Variants in CSMD3 observed in about 807,000 individuals in gnomAD.
CSMD3 encodes the protein CUB and Sushi multiple domains 3.
In CSMD3, 177 loss-of-function variants were observed where a neutral mutation model predicts 435.2. The ratio of observed to expected loss-of-function variants is 0.41; its 90% CI spans 0.36 to 0.46. The LOEUF (loss-of-function observed/expected upper bound fraction) is 0.46, where lower values mean the gene tolerates loss of function less well. Ranked by LOEUF, CSMD3 falls within the 20% of genes least tolerant of loss-of-function variation. CSMD3 has a pLI of 0.34. For missense variants in CSMD3, 4,265 were observed against 4,504.6 expected (o/e 0.95, Z 1.52); for synonymous variants, 1,656 against 1,520.5 (o/e 1.09, Z -2.07).
chr8:112,248,233 C>G (rs1814940874), intron 63 of CSMD3, among the ~76,000 whole-genome samples: 1 of 151,850 alleles, frequency 6.6e-6, no homozygotes, highest in Non-Finnish European at 1.5e-5. Flanking sequence ...TCCACTCCAC[C>G]CCAGGATGAC....
rs574947883 is a variant in CSMD3, at chr8:112,424,053, G to T, written c.5396-15021C>A. The stretch of plus-strand genomic sequence containing the variant: ...TCTATAAAGCATTTAGCCTTTAAAA[G>T]AAGCTGTGTGAAAAATGTTTTGGAT... On this transcript the variant is annotated intron_variant, in intron 32 of 70. Transcript: ENST00000297405. 3.2e-4 allele frequency among the ~76,000 whole-genome samples: 48 copies of T among 152,150 alleles called. 2 individuals are homozygous for T. In the South Asian group the frequency reaches 9.8e-3, roughly 31 times the overall value.
chr8:113,240,039 G>T lies in CSMD3; in HGVS notation c.514+38553C>A, dbSNP rs139478388. ...CCCCCGATAGGCCCCAGTGTGTGTT[G>T]TTCCCCTCTATGTGTCCATGTGTTC... is the stretch of plus-strand genomic sequence containing the variant. On this transcript the variant is annotated intron_variant, in intron 3 of 70. Coordinates refer to ENST00000297405, the MANE Select transcript of CSMD3 (RefSeq NM_198123.2). 3.9e-5 allele frequency among the ~76,000 whole-genome samples: 6 copies of T among 151,996 alleles called. No individual in the cohort carries two copies. In the South Asian group the frequency reaches 1.2e-3, roughly 32 times the overall value.
At chr8:113,231,990 T>A (rs2093093661) in intron 3 of CSMD3, among the ~76,000 whole-genome samples, 1 of 151,576 alleles carries the variant, frequency 6.6e-6, no homozygotes, top group Admixed American at 6.6e-5. Context: ...TAACTCTTTA[T>A]AAGACTTTTT....
At chr8:113,148,905 T>C (rs984267232) in intron 4 of CSMD3, among the ~76,000 whole-genome samples, 9 of 151,772 alleles carry the variant, frequency 5.9e-5, no homozygotes, top group African/African-American at 2.2e-4. Context: ...TCTAAAGATT[T>C]CTACAGGTAT....
intron 31 of CSMD3, among the ~76,000 whole-genome samples, chr8:112,481,737 T>A (rs1276579354): frequency 6.6e-6 from 1 of 152,194 alleles, no homozygotes; most frequent in Non-Finnish European, 1.5e-5. Flanking sequence ...TTCCTAACCC[T>A]TAAAGTCTGT....
At chr8:112,750,084 C>T (rs559439123) in intron 13 of CSMD3, among the ~76,000 whole-genome samples, 14 of 152,106 alleles carry the variant, frequency 9.2e-5, no homozygotes, top group African/African-American at 3.1e-4. Context: ...TCTGCAAGCA[C>T]ATAAGTCGAT....
intron 6 of CSMD3, among the ~76,000 whole-genome samples, chr8:112,996,707 TG>T (rs2085666434): frequency 6.6e-6 from 1 of 151,648 alleles, no homozygotes; most frequent in Non-Finnish European, 1.5e-5. Context: ...ATTGTGTATG[TG>T]TGTGCATCCT....
chr8:113,327,578 C>T (rs1304074323), intron 1 of CSMD3, among the ~76,000 whole-genome samples: 2 of 152,098 alleles, frequency 1.3e-5, no homozygotes, highest in Non-Finnish European at 2.9e-5. Flanking sequence ...TGCAAAACAG[C>T]CTCCCAGCAA....
At position 112,287,209 on chromosome 8, in the gene CSMD3, G is replaced by A. The variant is rs748223769; in HGVS notation, c.9186C>T (p.Pro3062=). ...TGCTTTCCTGTCTAGAGCCATGGCC[G>A]GGAGTACCTGGATCGCCACATGTCC... ...ATGTCGDPGT[P]GHGSRQESNF... is the part of the protein sequence containing the mutation. The change falls in exon 58 of 71, where the codon CCC becomes CCT. Residue 3062 remains proline (P), a synonymous_variant. Transcript: ENST00000297405. The A allele has an allele frequency of 7.4e-6, 12 of 1,613,488 alleles. No individual in the cohort carries two copies. The highest frequency in any genetic ancestry group is 6.6e-5 in the South Asian group (6 of 91,080).
chr8:112,879,705 T>C (rs2081394397), intron 10 of CSMD3, among the ~76,000 whole-genome samples: 1 of 152,184 alleles, frequency 6.6e-6, no homozygotes, highest in South Asian at 2.1e-4. Flanking sequence ...TCAGACCAGC[T>C]GACACTTAGG....
At chr8:112,585,318 A>G (rs913723918) in intron 23 of CSMD3, among the ~76,000 whole-genome samples, 10 of 151,600 alleles carry the variant, frequency 6.6e-5, no homozygotes, top group Non-Finnish European at 1.0e-4. Flanking sequence ...AGAATTCTTA[A>G]AAGTTCTTGA....
chr8:112,685,448 C>A lies in CSMD3; in HGVS notation c.2440G>T (p.Asp814Tyr), dbSNP rs2131802541. The A allele has an allele frequency of 6.2e-7, 1 of 1,614,010 alleles. No homozygotes were observed. The highest frequency in any genetic ancestry group is 1.1e-5 in the South Asian group (1 of 91,080). The change falls in exon 15 of 71, where the codon GAC (aspartate) becomes TAC (tyrosine). Residue 814 changes from aspartate (D) to tyrosine (Y), a missense_variant. Transcript: ENST00000297405. ...SHILRLEFQADHSMSGRGFNI... is the reference protein window; with the variant it reads ...SHILRLEFQAYHSMSGRGFNI... ...AAGCCACGTCCTGACATTGAGTGGT[C>A]AGCCTGAAATTCCAATCGCAGTATG...
At chr8:113,357,759 T>C (rs1181461118) in intron 1 of CSMD3, among the ~76,000 whole-genome samples, 1 of 152,190 alleles carries the variant, frequency 6.6e-6, no homozygotes, top group African/African-American at 2.4e-5. Flanking sequence ...GTTGTCATGA[T>C]AGCAAGTGAG....
chr8:112,833,167 A>G (rs1674584621), intron 11 of CSMD3, among the ~76,000 whole-genome samples: 1 of 152,062 alleles, frequency 6.6e-6, no homozygotes, highest in Non-Finnish European at 1.5e-5. Flanking sequence ...TCTTTCACAT[A>G]TCAACTTGTA....
At chr8:112,799,730 T>C (rs1238175043) in intron 13 of CSMD3, among the ~76,000 whole-genome samples, 3 of 152,004 alleles carry the variant, frequency 2.0e-5, no homozygotes, top group Non-Finnish European at 4.4e-5. Context: ...GTGAGCTATA[T>C]TTATATGTTT....
chr8:112,543,160 A>G (rs1285423778), intron 27 of CSMD3, among the ~76,000 whole-genome samples: 1 of 152,194 alleles, frequency 6.6e-6, no homozygotes, highest in African/African-American at 2.4e-5. Flanking sequence ...AAGGAAATAA[A>G]AAAAAGAGAA....
At chr8:112,699,231 A>G (rs945880238) in intron 13 of CSMD3, among the ~76,000 whole-genome samples, 1 of 152,156 alleles carries the variant, frequency 6.6e-6, no homozygotes, top group Non-Finnish European at 1.5e-5. Context: ...CACTCACTGC[A>G]AAAGTCTGCA....
At chr8:113,011,414 C>T (rs992935531) in intron 6 of CSMD3, among the ~76,000 whole-genome samples, 1 of 151,730 alleles carries the variant, frequency 6.6e-6, no homozygotes. Context: ...GTATGTTTCA[C>T]AGCAAAAATT....
At chr8:112,604,917 AG>A (rs1832673581) in intron 22 of CSMD3, among the ~76,000 whole-genome samples, 1 of 133,534 alleles carries the variant, frequency 7.5e-6, no homozygotes, top group Non-Finnish European at 1.6e-5. Context: ...AGAATCTCTA[AG>A]AACCTTGTTA....
Sources: allele counts gnomAD v4.1 joint callset (sites outside exome capture counted in the v4.1 genomes callset), GRCh38; gene constraint gnomAD v4.1.1; transcripts MANE v1.5; gene names NCBI Gene and HGNC (gene_info 2026-07-23, HGNC 2026-07-21).